Variants in SKAP2 observed in about 807,000 individuals in gnomAD.
SKAP2 encodes src kinase associated phosphoprotein 2.
In SKAP2, 28 loss-of-function variants were observed where a neutral mutation model predicts 54.9. That is an observed-to-expected ratio of 0.51 (90% confidence interval 0.38 to 0.70). The LOEUF (loss-of-function observed/expected upper bound fraction) is 0.70, where lower values mean the gene tolerates loss of function less well. SKAP2 is among the 30% of genes least tolerant of loss of function. SKAP2 has a pLI of 0.00. For missense variants in SKAP2, 356 were observed against 424.1 expected, an observed-to-expected ratio of 0.84 and a Z score of 1.41; for synonymous variants, 137 against 134.3, an observed-to-expected ratio of 1.02 and a Z score of -0.14.
chr7:26,819,533 G>A (rs111373218), intron 4 of SKAP2, among the ~76,000 whole-genome samples: 32,159 of 150,984 alleles, frequency 0.21, 3,501 homozygotes, highest in Non-Finnish European at 0.24. Flanking sequence ...ACAAAGCTGC[G>A]CATTCTGCAC....
intron 3 of SKAP2, among the ~76,000 whole-genome samples, chr7:26,847,840 T>A (rs746217944): frequency 6.6e-5 from 10 of 152,236 alleles, no homozygotes; most frequent in Non-Finnish European, 1.3e-4. Context: ...CATGAATGTG[T>A]CCCTGTTATG....
intron 4 of SKAP2, among the ~76,000 whole-genome samples, chr7:26,802,511 T>C (rs1165077961): frequency 5.3e-5 from 8 of 152,044 alleles, no homozygotes; most frequent in Non-Finnish European, 1.0e-4. Flanking sequence ...CCTCAGGTGA[T>C]CTGCCCGCCT....
chr7:26,764,649 G>A (rs927076886), intron 4 of SKAP2, among the ~76,000 whole-genome samples: 1 of 151,324 alleles, frequency 6.6e-6, no homozygotes, highest in African/African-American at 2.4e-5. Flanking sequence ...GAATGTGCAG[G>A]TTTGTTACAT....
At chr7:26,818,808 A>G (rs376182921) in intron 4 of SKAP2, among the ~76,000 whole-genome samples, 111 of 152,326 alleles carry the variant, frequency 7.3e-4, no homozygotes, top group Admixed American at 2.0e-3. Flanking sequence ...GTGGCCAACA[A>G]ACATATGAAG....
At chr7:26,682,058 A>AT (rs1173926687) in intron 11 of SKAP2, among the ~76,000 whole-genome samples, 1 of 152,344 alleles carries the variant, frequency 6.6e-6, no homozygotes, top group African/African-American at 2.4e-5. Flanking sequence ...AAATCTTAAT[A>AT]TAACTCTGAG....
intron 11 of SKAP2, among the ~76,000 whole-genome samples, chr7:26,674,522 T>C (rs1206603387): frequency 1.3e-5 from 2 of 152,178 alleles, no homozygotes; most frequent in African/African-American, 4.8e-5. Flanking sequence ...CTCGGCGTTT[T>C]ACTATTACTA....
rs755922487 is a variant in SKAP2, at chr7:26,727,021, A to G, written c.470-15T>C. 8.9e-6 allele frequency: 14 copies of G among 1,575,540 alleles called. No homozygotes were observed. The Admixed American group carries it at 2.5e-4, about 28-fold the overall frequency. Reference sequence around the variant, plus strand: ...CTGTTGTTTGTCTGTTGAAGATAAAACCAGTTAGAATTTCATTTACTAAGT... The same window carrying G: ...CTGTTGTTTGTCTGTTGAAGATAAAGCCAGTTAGAATTTCATTTACTAAGT... On this transcript the variant is annotated splice_polypyrimidine_tract_variant and intron_variant, in intron 6 of 12. Transcript: ENST00000345317.
At chr7:26,734,865 G>A (rs1333410709) in intron 6 of SKAP2, among the ~76,000 whole-genome samples, 1 of 152,086 alleles carries the variant, frequency 6.6e-6, no homozygotes, top group Admixed American at 6.6e-5. Context: ...ATCCTTGGGA[G>A]TTAATTTCCA....
At chr7:26,774,071 T>C (rs544477704) in intron 4 of SKAP2, among the ~76,000 whole-genome samples, 2 of 152,208 alleles carry the variant, frequency 1.3e-5, no homozygotes, top group East Asian at 3.9e-4. Flanking sequence ...CCAGTACTTC[T>C]GGAGGCCGAG....
At chr7:26,712,139 C>T (rs774826223) in intron 9 of SKAP2, among the ~76,000 whole-genome samples, 38 of 152,104 alleles carry the variant, frequency 2.5e-4, no homozygotes, top group Non-Finnish European at 4.6e-4. Flanking sequence ...GGACTAGAAG[C>T]GTTTCAAATT....
intron 6 of SKAP2, among the ~76,000 whole-genome samples, chr7:26,736,471 C>A (rs993483527): frequency 2.6e-5 from 4 of 152,198 alleles, no homozygotes; most frequent in African/African-American, 4.8e-5. Context: ...GAATTGCCAA[C>A]CCCAGTTCAG....
At chr7:26,748,970 C>T (rs1019508132) in intron 4 of SKAP2, among the ~76,000 whole-genome samples, 1 of 152,046 alleles carries the variant, frequency 6.6e-6, no homozygotes. Flanking sequence ...AATAGGAGGG[C>T]ATACTATGGA....
intron 4 of SKAP2, among the ~76,000 whole-genome samples, chr7:26,781,071 CT>C (rs1783415467): frequency 6.6e-6 from 1 of 151,996 alleles, no homozygotes; most frequent in Non-Finnish European, 1.5e-5. Context: ...GAGCTGTTGC[CT>C]TTTTGTCATT....
intron 9 of SKAP2, among the ~76,000 whole-genome samples, chr7:26,719,861 T>C (rs1237164061): frequency 1.3e-5 from 2 of 152,222 alleles, no homozygotes; most frequent in Non-Finnish European, 2.9e-5. Flanking sequence ...AGGTTATGAA[T>C]CTTTATTAAT....
chr7:26,821,670 T>C (rs536443218), intron 4 of SKAP2, among the ~76,000 whole-genome samples: 24 of 152,324 alleles, frequency 1.6e-4, no homozygotes, highest in African/African-American at 5.5e-4. Flanking sequence ...AAACTTGATC[T>C]TTCTTATCTG....
At chr7:26,666,683 TAATTA>T (rs1369597813), downstream of SKAP2, among the ~76,000 whole-genome samples, 1 of 152,204 alleles carries the variant, frequency 6.6e-6, no homozygotes, top group Non-Finnish European at 1.5e-5. Context: ...TAATTATCTG[TAATTA>T]AATTAGCACA....
the SKAP2 span, among the ~76,000 whole-genome samples, chr7:26,656,902 A>T: frequency 5.9e-5 from 9 of 152,086 alleles, no homozygotes; most frequent in South Asian, 1.9e-3. Flanking sequence ...GAGTCTATGA[A>T]CCCCACGGCT....
At chr7:26,675,211 T>C (rs1186035056) in intron 11 of SKAP2, among the ~76,000 whole-genome samples, 1 of 152,190 alleles carries the variant, frequency 6.6e-6, no homozygotes, top group South Asian at 2.1e-4. Flanking sequence ...AACTGTAGAC[T>C]TTAGCTTGTT....
At chr7:26,684,689 G>T in intron 11 of SKAP2, 47 bp downstream of exon 11, 1 of 1,174,210 alleles carries the variant, frequency 8.5e-7, no homozygotes, top group Non-Finnish European at 1.3e-6. Flanking sequence ...TAAAAATCGA[G>T]CTTTGTATTC....
Sources: gnomAD v4.1 joint callset for allele counts (sites outside exome capture counted in the v4.1 genomes callset) on GRCh38, gnomAD v4.1.1 for gene constraint, MANE v1.5 for transcripts, NCBI Gene and HGNC (gene_info 2026-07-23, HGNC 2026-07-21) for gene names.